ZNF615: variants seen among roughly 807,000 people sequenced by gnomAD.
ZNF615 encodes zinc finger protein 615.
ZNF615 carries 15 observed loss-of-function variants against 15.3 expected under a neutral mutation model. The ratio of observed to expected loss-of-function variants is 0.98; its 90% CI spans 0.66 to 1.51. The LOEUF is 1.51. Among genes scored for constraint, ZNF615 ranks in the 40% most tolerant of loss-of-function variants. The pLI is 0.00. For missense variants in ZNF615, 848 were observed against 895.9 expected, an observed-to-expected ratio of 0.95 and a Z score of 0.68; for synonymous variants, 268 against 294.6, an observed-to-expected ratio of 0.91 and a Z score of 0.92.
intron 6 of ZNF615, among the ~76,000 whole-genome samples, chr19:51,995,564 CTTTTTTTTTTT>C (rs61537011): frequency 3.0e-5 from 4 of 135,542 alleles, no homozygotes; most frequent in Admixed American, 2.9e-4. Flanking sequence ...AAACACCTTC[CTTTTTTTTTTT>C]TTTTTTTTTT....
At chr19:52,002,348 A>G in intron 3 of ZNF615, 67 bp from the exon 4 acceptor site, 1 of 1,610,594 alleles carries the variant, frequency 6.2e-7, no homozygotes, top group African/African-American at 1.3e-5. Flanking sequence ...ATGTCAAGGA[A>G]GTCATTCCGC....
At position 51,993,215 on chromosome 19, in the gene ZNF615, C is replaced by T; in HGVS notation, c.1894G>A (p.Glu632Lys). 6.2e-7 allele frequency: 1 copy of T among 1,614,222 alleles called. No homozygotes were observed. The highest frequency in any genetic ancestry group is 8.5e-7 in the Non-Finnish European group (1 of 1,180,042). The part of the protein sequence containing the change: ...LSIHQQTHTG[E>K]KPYKCNECDK... ...CATTCATTGCATTTGTATGGCTTCTCTCCAGTATGAGTTTGCTGATGTATA... is the reference window on the plus strand; with the variant it reads ...CATTCATTGCATTTGTATGGCTTCTTTCCAGTATGAGTTTGCTGATGTATA... The change falls in exon 7 of 7, where the codon GAG (glutamate) becomes AAG (lysine). Residue 632 changes from glutamate to lysine, a missense_variant. By Grantham distance (56) the Glu-to-Lys change is moderately conservative. Transcript: ENST00000598071.
chr19:52,000,481 T>C (rs1464520173), intron 5 of ZNF615, 103 bp from the exon 6 acceptor site: 1 of 484,614 alleles, frequency 2.1e-6, no homozygotes, highest in Non-Finnish European at 3.6e-6. Context: ...TTGTTCCTCA[T>C]ACACAAAATG....
chr19:51,996,517 C>T (rs1228280320), intron 6 of ZNF615, among the ~76,000 whole-genome samples: 2 of 149,834 alleles, frequency 1.3e-5, no homozygotes, highest in Non-Finnish European at 3.0e-5. Context: ...CCTTGTGAAA[C>T]ACATAAAGTT....
At chr19:51,994,876 GT>G (rs1432098799) in intron 6 of ZNF615, 39 bp from the exon 7 acceptor site, 8 of 1,510,264 alleles carry the variant, frequency 5.3e-6, no homozygotes, top group Non-Finnish European at 7.1e-6. Context: ...CCATCATCTT[GT>G]TTTGAAATAA....
chr19:51,992,876 AT>A lies in ZNF615; in HGVS notation c.*3del, dbSNP rs1450470716. 9.9e-6 allele frequency: 16 copies of A among 1,612,394 alleles called. No individual in the cohort carries two copies. The highest frequency in any genetic ancestry group is 1.4e-5 in the Non-Finnish European group (16 of 1,178,672). On this transcript the variant is annotated 3_prime_UTR_variant, in exon 7 of 7. Transcript: ENST00000598071. ...ACATCTGGCAAGAGGCTTTCCCAAA[AT>A]GACTACCTGTGAATTCTCCTGTGTT...
intron 2 of ZNF615, among the ~76,000 whole-genome samples, chr19:52,006,172 A>G (rs2086746175): frequency 1.3e-5 from 2 of 152,226 alleles, no homozygotes; most frequent in Admixed American, 1.3e-4. Flanking sequence ...GAAAAATATT[A>G]GCATTCTACA....
In ZNF615 at chr19:51,993,410, T is replaced by C. The variant is rs1157108356; in HGVS notation, c.1699A>G (p.Asn567Asp). 6.2e-7 allele frequency: 1 copy of C among 1,614,150 alleles called. No homozygotes were observed. The highest frequency in any genetic ancestry group is 1.3e-5 in the African/African-American group (1 of 75,024). ...GKGFTEKSHL[N>D]VHRRTHTGEK... The stretch of plus-strand genomic sequence containing the variant: ...CCTGTATGAGTGCGCCGATGTACAT[T>C]GAGATGACTCTTCTCAGTGAAGCCT... Residue 567 changes from asparagine (N) to aspartate (D), a missense_variant, in exon 7 of 7, where the codon AAT becomes GAT. Coordinates refer to ENST00000598071, the MANE Select transcript of ZNF615 (RefSeq NM_001199324.2).
intron 3 of ZNF615, chr19:52,002,487 A>C: frequency 1.4e-6 from 1 of 699,638 alleles, no homozygotes. Context: ...AAGTCAAAGA[A>C]ATGTCTGTAA....
rs753100102 is a variant in ZNF615, at chr19:51,994,106, C to T, written c.1003G>A (p.Ala335Thr). Residue 335 changes from alanine (A) to threonine (T), a missense_variant, in exon 7 of 7, where the codon GCC (alanine) becomes ACC (threonine). Physicochemically the swap from Ala to Thr is moderately conservative, Grantham distance 58. Coordinates refer to ENST00000598071, the MANE Select transcript of ZNF615 (RefSeq NM_001199324.2). ...GTGAGACTGAACTTTGTAGAGAAGG[C>T]CTTCCCACATACACTGCATCCATGG... Reference protein sequence around the residue: ...KPHGCSVCGKAFSTKFSLTTH... With the variant: ...KPHGCSVCGKTFSTKFSLTTH... The T allele has an allele frequency of 1.9e-6, 3 of 1,613,874 alleles. No individual in the cohort carries two copies. Among genetic ancestry groups the T allele is most frequent in the African/African-American group, 2.7e-5 (2 of 74,892 alleles).
chr19:51,994,854 C>G lies in ZNF615; in HGVS notation c.272-17G>C, dbSNP rs1218185559. ...TCCTGATTTCTAGGAAAGAAGAGAA[C>G]AGTCAATCACTCCATCATCTTGTTT... On this transcript the variant is annotated splice_polypyrimidine_tract_variant and intron_variant, in intron 6 of 6. Coordinates refer to ENST00000598071, the MANE Select transcript of ZNF615 (RefSeq NM_001199324.2). 2.6e-6 allele frequency: 4 copies of G among 1,562,058 alleles called. No individual in the cohort carries two copies. The highest frequency in any genetic ancestry group is 3.5e-6 in the Non-Finnish European group (4 of 1,158,332).
Position 51,993,871 on chromosome 19 carries a change from C to T in ZNF615, c.1238G>A (p.Cys413Tyr). 3.1e-6 allele frequency: 5 copies of T among 1,614,144 alleles called. No individual in the cohort carries two copies. The highest frequency in any genetic ancestry group is 4.2e-6 in the Non-Finnish European group (5 of 1,180,020). The change falls in exon 7 of 7, where the codon TGT becomes TAT. Residue 413 changes from cysteine to tyrosine, a missense_variant. Cys to Tyr is a radical substitution (Grantham distance 194). Coordinates refer to ENST00000598071, the MANE Select transcript of ZNF615 (RefSeq NM_001199324.2). ...TGAAAAGCCTTTTCCACATTCACTA[C>T]ATGTATATAATTTCTCTCCTGTATG... is the stretch of plus-strand genomic sequence containing the variant. Reference protein sequence around the residue: ...QTHTGEKLYTCSECGKGFSMK... With the variant: ...QTHTGEKLYTYSECGKGFSMK...
chr19:51,994,295 CATA>C lies in ZNF615; in HGVS notation c.811_813del (p.Tyr271del), dbSNP rs1394263654. 1.2e-6 allele frequency: 2 copies of C among 1,614,112 alleles called. No homozygotes were observed. The highest frequency in any genetic ancestry group is 1.3e-5 in the African/African-American group (1 of 75,042). On this transcript the variant is annotated inframe_deletion, in exon 7 of 7. Transcript: ENST00000598071. ...AAGGTTTTGTCACATTCAGTGCATT[CATA>C]ATGTTTCAGTTCTGTATGAGTTCTC...
rs368758146 is a variant in ZNF615, at chr19:51,993,963, G to C, written c.1146C>G (p.Pro382=). Residue 382 remains proline, a synonymous_variant, in exon 7 of 7, where the codon CCC becomes CCG. Coordinates refer to ENST00000598071, the MANE Select transcript of ZNF615 (RefSeq NM_001199324.2). The part of the protein sequence containing the change: ...AHHRTHTGEK[P]FICNKCGKGF... ...CTTTCCCACATTTATTGCATATAAA[G>C]GGTTTCTCACCAGTATGAGTTCGAT... The C allele has an allele frequency of 6.2e-7, 1 of 1,612,060 alleles. No homozygotes were observed. The highest frequency in any genetic ancestry group is 8.5e-7 in the Non-Finnish European group (1 of 1,178,892).
In ZNF615 at chr19:51,992,930, C is replaced by A. The variant is rs2122996465; in HGVS notation, c.2179G>T (p.Ala727Ser). The A allele has an allele frequency of 6.2e-7, 1 of 1,614,152 alleles. No homozygotes were observed. Among genetic ancestry groups the A allele is most frequent in the Non-Finnish European group, 8.5e-7 (1 of 1,180,014 alleles). The change falls in exon 7 of 7, where the codon GCT (alanine) becomes TCT (serine). Residue 727 changes from alanine (A) to serine (S), a missense_variant. Coordinates refer to ENST00000598071, the MANE Select transcript of ZNF615 (RefSeq NM_001199324.2). The stretch of plus-strand genomic sequence containing the variant: ...ACAAGGATAGACAAGTGCGCAAAAG[C>A]TTTCCCACAATCACTACATCCATAG... ...RPYGCSDCGK[A>S]FAHLSILVKH...
chr19:51,992,278 A>T lies in ZNF615; in HGVS notation c.*602T>A, dbSNP rs2086253174. ...GACAAGGCAACTAGGAATATGGCTC[A>T]AGCTATCCTGTTCCCAAATGCACAT... On this transcript the variant is annotated 3_prime_UTR_variant, in exon 7 of 7. Transcript: ENST00000598071. 6.6e-6 allele frequency: 1 copy of T among 152,302 alleles called. No individual in the cohort carries two copies. The highest frequency in any genetic ancestry group is 2.4e-5 in the African/African-American group (1 of 41,460). The allele number at this position is 152,302 out of a possible 1,614,324, so 9.4% of individuals were successfully genotyped here. A position where few individuals can be genotyped will look rare whatever the true frequency, so the allele number is the denominator to read the frequency against.
chr19:51,992,763 C>T lies in ZNF615; in HGVS notation c.*117G>A. ...TGTTTTGTACATGTTTTCTCTGACACAAAACATGAAGTAACTGATCACTAA... is the reference window on the plus strand; with the variant it reads ...TGTTTTGTACATGTTTTCTCTGACATAAAACATGAAGTAACTGATCACTAA... On this transcript the variant is annotated 3_prime_UTR_variant, in exon 7 of 7. Coordinates refer to ENST00000598071, the MANE Select transcript of ZNF615 (RefSeq NM_001199324.2). 8.2e-7 allele frequency: 1 copy of T among 1,224,410 alleles called. No individual in the cohort carries two copies. Among genetic ancestry groups the T allele is most frequent in the Non-Finnish European group, 1.1e-6 (1 of 875,426 alleles). 75.8% of individuals were successfully genotyped at this position (1,224,410 alleles called of 1,614,324 possible).
intron 2 of ZNF615, chr19:52,004,830 T>G (rs2086702862): frequency 6.6e-6 from 1 of 152,156 alleles, no homozygotes; most frequent in Non-Finnish European, 1.5e-5. Flanking sequence ...ATGACTCCAG[T>G]GTAAGCAGAG....
At chr19:52,003,923 T>C in intron 2 of ZNF615, 23 bp from the exon 3 acceptor site, 1 of 1,334,842 alleles carries the variant, frequency 7.5e-7, no homozygotes, top group Non-Finnish European at 9.6e-7. Context: ...TTACTCTGAG[T>C]GGTACATTCT....
Sources: gnomAD v4.1 joint callset for allele counts (sites outside exome capture counted in the v4.1 genomes callset) on GRCh38, gnomAD v4.1.1 for gene constraint, MANE v1.5 for transcripts, NCBI Gene and HGNC (gene_info 2026-07-23, HGNC 2026-07-21) for gene names.